The following BMX variants were observed in gnomAD, a reference collection of about 807,000 sequenced individuals.
The protein encoded by BMX is cytoplasmic tyrosine-protein kinase BMX.
Under a neutral mutation model 59.2 loss-of-function variants are expected in BMX, and 31 were observed. That is an observed-to-expected ratio of 0.52 (90% CI 0.39 to 0.71). BMX has a LOEUF of 0.71. Among genes scored for constraint, BMX ranks in the 30% least tolerant of loss-of-function variants. The pLI is 0.00. For missense variants in BMX, 474 were observed against 491.7 expected, an observed-to-expected ratio of 0.96 and a Z score of 0.34; for synonymous variants, 185 against 181.0, an observed-to-expected ratio of 1.02 and a Z score of -0.18.
At position 15,542,024 on chromosome X, in the gene BMX, T is replaced by C. The variant is rs1051448019; in HGVS notation, c.1437T>C (p.Cys479=). The part of the protein sequence containing the change: ...HPKLVKFYGV[C]SKEYPIYIVT... ...AGCTGGTTAAATTCTATGGAGTGTGTTCAAAGGAATACCCCATATACATAG... is the reference window on the plus strand; with the variant it reads ...AGCTGGTTAAATTCTATGGAGTGTGCTCAAAGGAATACCCCATATACATAG... Residue 479 remains cysteine (C), a synonymous_variant, in exon 15 of 19, where the codon TGT becomes TGC. Transcript: ENST00000348343. 3 of 1,210,571 alleles carry C rather than the reference T, an allele frequency of 2.5e-6. No individual in the cohort carries two copies. In the African/African-American group the frequency reaches 5.2e-5, roughly 21 times the overall value.
chrX:15,543,297 G>A (rs1301353282), intron 16 of BMX, among the ~76,000 whole-genome samples, 162 bp downstream of exon 16: 4 of 111,527 alleles, frequency 3.6e-5, no homozygotes, highest in Admixed American at 9.5e-5. Context: ...ATTATCTGAC[G>A]TCACTTTTAG....
intron 4 of BMX, among the ~76,000 whole-genome samples, chrX:15,512,515 G>A (rs988829683): frequency 9.0e-5 from 10 of 111,288 alleles, no homozygotes; most frequent in Non-Finnish European, 1.7e-4. Flanking sequence ...CCCATTCTGC[G>A]GGTAGCAAGT....
chrX:15,553,893 T>G (rs1926309166), intron 18 of BMX, among the ~76,000 whole-genome samples: 1 of 112,153 alleles, frequency 8.9e-6, no homozygotes, highest in Admixed American at 9.4e-5. Flanking sequence ...CTTCTCATGG[T>G]TGGTTCATAA....
At chrX:15,508,262 A>G (rs1426441903) in intron 1 of BMX, 83 bp from the exon 2 acceptor site, 1 of 634,829 alleles carries the variant, frequency 1.6e-6, no homozygotes, top group East Asian at 3.9e-5. Flanking sequence ...CTTAATAGGA[A>G]ATCGTTGAGG....
intron 14 of BMX, among the ~76,000 whole-genome samples, chrX:15,541,042 GAA>G (rs34730726): frequency 1.6e-3 from 151 of 91,821 alleles, no homozygotes; most frequent in East Asian, 6.3e-3. Flanking sequence ...CTCACAAATG[GAA>G]AAAAAAAAAA....
At chrX:15,548,815 G>T (rs1359923572) in intron 17 of BMX, among the ~76,000 whole-genome samples, 1 of 111,763 alleles carries the variant, frequency 8.9e-6, no homozygotes, top group Admixed American at 9.5e-5. Flanking sequence ...TGATTTAAAA[G>T]AAAAAAGCAG....
chrX:15,514,993 C>T (rs2147107888), intron 4 of BMX, among the ~76,000 whole-genome samples: 1 of 111,354 alleles, frequency 9.0e-6, no homozygotes, highest in South Asian at 3.8e-4. Context: ...GAGTTCATGT[C>T]CTTTGCAGGG....
chrX:15,552,388 C>T (rs1926240483), intron 18 of BMX, among the ~76,000 whole-genome samples: 1 of 112,113 alleles, frequency 8.9e-6, no homozygotes, highest in Non-Finnish European at 1.9e-5. Flanking sequence ...TTCATCTTCT[C>T]CCTGTTAACT....
At chrX:15,544,445 G>A (rs1925850702) in intron 16 of BMX, among the ~76,000 whole-genome samples, 1 of 111,493 alleles carries the variant, frequency 9.0e-6, no homozygotes, top group Non-Finnish European at 1.9e-5. Flanking sequence ...TCTTAAAGCA[G>A]GGAGAAGCTC....
intron 1 of BMX, among the ~76,000 whole-genome samples, chrX:15,504,773 G>A (rs1239559465): frequency 8.9e-6 from 1 of 112,044 alleles, no homozygotes; most frequent in Admixed American, 9.5e-5. Flanking sequence ...TGTCTCCTCT[G>A]TGCCTTAATC....
intron 6 of BMX, among the ~76,000 whole-genome samples, chrX:15,521,726 T>G (rs1182453857): frequency 9.0e-6 from 1 of 111,302 alleles, no homozygotes; most frequent in Non-Finnish European, 1.9e-5. Context: ...CCACCTTATC[T>G]CCCTTTTATA....
intron 3 of BMX, among the ~76,000 whole-genome samples, chrX:15,510,530 T>TA (rs1327813527): frequency 9.0e-6 from 1 of 110,722 alleles, no homozygotes; most frequent in Non-Finnish European, 1.9e-5. Context: ...TTGTTTTCAT[T>TA]AAAAAAATTA....
Position 15,543,147 on chromosome X carries a change from C to T in BMX, c.1676+12C>T. 8.4e-7 allele frequency: 1 copy of T among 1,197,175 alleles called. No homozygotes were observed. Among genetic ancestry groups the T allele is most frequent in the Non-Finnish European group, 1.1e-6 (1 of 884,179 alleles). On this transcript the variant is annotated intron_variant, in intron 16 of 18. Transcript: ENST00000348343. ...TTTGGAATGACAAGGTAAGCCAATT[C>T]CGAAAGGGCAACCAGTGAAAGGGGG...
rs768976466 is a variant in BMX, at chrX:15,537,214, A to G, written c.1303A>G (p.Lys435Glu). 5 of 1,210,907 alleles carry G rather than the reference A, an allele frequency of 4.1e-6. No individual in the cohort carries two copies. The highest frequency in any genetic ancestry group is 5.6e-6 in the Non-Finnish European group (5 of 895,142). ...CCAGTTTGGAGTGGTCCAGCTGGGC[A>G]AGTGGAAGGGGCAGTATGATGTTGC... is the stretch of plus-strand genomic sequence containing the variant. ...SGQFGVVQLG[K>E]WKGQYDVAVK... Residue 435 changes from lysine to glutamate, a missense_variant, in exon 14 of 19, where the codon AAG (lysine) becomes GAG (glutamate). Coordinates refer to ENST00000348343, the MANE Select transcript of BMX (RefSeq NM_203281.3).
At chrX:15,503,741 G>A (rs369225356) in intron 1 of BMX, among the ~76,000 whole-genome samples, 6 of 112,433 alleles carry the variant, frequency 5.3e-5, no homozygotes, top group East Asian at 2.8e-4. Context: ...GCGTGGTCAC[G>A]AATATGGGAT....
At position 15,546,788 on chromosome X, in the gene BMX, T is replaced by C; in HGVS notation, c.1677-15T>C. 1 of 1,187,610 alleles carries C rather than the reference T, an allele frequency of 8.4e-7. No individual in the cohort carries two copies. Among genetic ancestry groups the C allele is most frequent in the Admixed American group, 2.2e-5 (1 of 45,754 alleles). On this transcript the variant is annotated splice_polypyrimidine_tract_variant and intron_variant, in intron 16 of 18. Coordinates refer to ENST00000348343, the MANE Select transcript of BMX (RefSeq NM_203281.3). ...CCACGGCTTAAGGTCTGTGTTGATG[T>C]GTTTTCCCTGGCAGGTATGTTCTTG...
At chrX:15,543,565 C>T (rs1925801277) in intron 16 of BMX, among the ~76,000 whole-genome samples, 1 of 110,455 alleles carries the variant, frequency 9.1e-6, no homozygotes, top group Non-Finnish European at 1.9e-5. Flanking sequence ...TGGAGTACTA[C>T]TCAGCCATTT....
chrX:15,507,586 G>A (rs1223067190), intron 1 of BMX, among the ~76,000 whole-genome samples: 1 of 112,354 alleles, frequency 8.9e-6, no homozygotes, highest in African/African-American at 3.2e-5. Flanking sequence ...GAGGGTTGAA[G>A]TAACTGTCTT....
At chrX:15,512,658 A>G (rs998673905) in intron 4 of BMX, among the ~76,000 whole-genome samples, 4 of 111,935 alleles carry the variant, frequency 3.6e-5, no homozygotes, top group African/African-American at 1.3e-4. Context: ...ATCATCTACC[A>G]TCTCTGGGTT....
Sources: gnomAD v4.1 joint callset for allele counts (sites outside exome capture counted in the v4.1 genomes callset) on GRCh38, gnomAD v4.1.1 for gene constraint, MANE v1.5 for transcripts, NCBI Gene and HGNC (gene_info 2026-07-23, HGNC 2026-07-21) for gene names.